Variants in DPP6 observed in about 807,000 individuals in gnomAD.
The protein encoded by DPP6 is dipeptidyl peptidase like 6.
In DPP6, 69 loss-of-function variants were observed where a neutral mutation model predicts 122.6. That is an observed-to-expected ratio of 0.56 (90% confidence interval 0.46 to 0.69). DPP6 has a LOEUF of 0.69. DPP6 is among the 30% of genes least tolerant of loss of function. DPP6 has a pLI of 0.00. For missense variants in DPP6, 928 were observed against 1,116.9 expected, an observed-to-expected ratio of 0.83 and a Z score of 2.41; for synonymous variants, 418 against 433.1, an observed-to-expected ratio of 0.97 and a Z score of 0.43.
intron 1 of DPP6, among the ~76,000 whole-genome samples, chr7:154,308,402 T>A (rs1806560728): frequency 6.6e-6 from 1 of 152,192 alleles, no homozygotes; most frequent in East Asian, 1.9e-4. Flanking sequence ...ACAAGGAGAA[T>A]TGGCTTCTGG....
intron 1 of DPP6, among the ~76,000 whole-genome samples, chr7:153,941,798 A>C (rs1473166016): frequency 6.6e-6 from 1 of 152,188 alleles, no homozygotes; most frequent in African/African-American, 2.4e-5. Flanking sequence ...ATGGATAATC[A>C]GAGGAGTTTT....
intron 1 of DPP6, among the ~76,000 whole-genome samples, chr7:154,167,049 G>A (rs1797289900): frequency 6.7e-6 from 1 of 148,562 alleles, no homozygotes; most frequent in African/African-American, 2.6e-5. Context: ...AGTTTGGTGG[G>A]GGAAATCTTT....
At chr7:154,846,471 G>A (rs188929149) in intron 16 of DPP6, among the ~76,000 whole-genome samples, 6 of 152,260 alleles carry the variant, frequency 3.9e-5, no homozygotes, top group South Asian at 2.1e-4. Context: ...TTACCAGGAC[G>A]CAACATTAGC....
intron 5 of DPP6, among the ~76,000 whole-genome samples, chr7:154,573,639 A>G (rs1392291956): frequency 6.6e-6 from 1 of 152,128 alleles, no homozygotes; most frequent in East Asian, 1.9e-4. Context: ...CTGACATGTT[A>G]CTCTTAGCCG....
At chr7:153,887,976 T>G (rs370187957) in intron 1 of DPP6, among the ~76,000 whole-genome samples, 1 of 151,914 alleles carries the variant, frequency 6.6e-6, no homozygotes, top group Non-Finnish European at 1.5e-5. Context: ...CCTTCGGGCA[T>G]GTGGCTTTGT....
chr7:153,964,822 CTTTCCT>C lies in DPP6; in HGVS notation c.51+77118_51+77123del, dbSNP rs202179146. Among the ~76,000 whole-genome samples, 22 of 41,214 alleles carry C rather than the reference CTTTCCT, an allele frequency of 5.3e-4. 1 individual carries two copies. The highest frequency in any genetic ancestry group is 2.1e-3 in the Admixed American group (8 of 3,866). 27.0% of individuals were successfully genotyped at this position (41,214 alleles called of 152,430 possible). On this transcript the variant is annotated intron_variant, in intron 1 of 25. Transcript: ENST00000404039. Reference sequence around the variant, plus strand: ...CTTTCCTTTCCTTTCCTTTCCTTTCCTTTCCTTTTCCTTTTCCTTTTCCTTTTCCTT... The same window carrying C: ...CTTTCCTTTCCTTTCCTTTCCTTTCCTTTCCTTTTCCTTTTCCTTTTCCTT...
chr7:154,857,647 T>C lies in DPP6; in HGVS notation c.1714+3820T>C, dbSNP rs868319195. ...GTCTGTCAAACTGGTGCATCTTGGA[T>C]GAGAAGGCAGGTGCCTGGTGCTTCC... is the stretch of plus-strand genomic sequence containing the variant. On this transcript the variant is annotated intron_variant, in intron 17 of 25. Coordinates refer to ENST00000377770, the MANE Select transcript of DPP6 (RefSeq NM_130797.4). 2.0e-5 allele frequency among the ~76,000 whole-genome samples: 3 copies of C among 152,358 alleles called. No individual in the cohort carries two copies. In the East Asian group the frequency reaches 5.8e-4, roughly 29 times the overall value.
At chr7:154,586,480 T>C (rs1288655711) in intron 5 of DPP6, among the ~76,000 whole-genome samples, 2 of 151,626 alleles carry the variant, frequency 1.3e-5, no homozygotes, top group African/African-American at 4.9e-5. Context: ...CCTGTGGGAG[T>C]CTTTGGCTCT....
At chr7:154,137,972 T>G (rs1267776835) in intron 1 of DPP6, among the ~76,000 whole-genome samples, 6 of 152,186 alleles carry the variant, frequency 3.9e-5, no homozygotes, top group Admixed American at 2.0e-4. Flanking sequence ...GGCCTTAGCT[T>G]ACACAATTCC....
chr7:154,058,132 C>T (rs1453842303), intron 1 of DPP6: 1 of 147,124 alleles, frequency 6.8e-6, no homozygotes, highest in African/African-American at 2.5e-5. Context: ...CCCTCTTCCC[C>T]CCCCTGGCTC....
At chr7:154,438,903 G>T (rs1244530216) in intron 1 of DPP6, among the ~76,000 whole-genome samples, 1 of 152,162 alleles carries the variant, frequency 6.6e-6, no homozygotes, top group Non-Finnish European at 1.5e-5. Flanking sequence ...TGGCTGAGGA[G>T]GAGAGGAGGG....
At chr7:154,015,756 C>T (rs1798374970) in intron 1 of DPP6, among the ~76,000 whole-genome samples, 1 of 152,136 alleles carries the variant, frequency 6.6e-6, no homozygotes, top group African/African-American at 2.4e-5. Flanking sequence ...AGTCCAGCCC[C>T]AGCCACTGTT....
At chr7:154,103,537 C>T (rs2150573082) in intron 1 of DPP6, among the ~76,000 whole-genome samples, 1 of 152,334 alleles carries the variant, frequency 6.6e-6, no homozygotes, top group Admixed American at 6.5e-5. Context: ...TGTTAGTTGT[C>T]AACTTGATTG....
chr7:154,381,781 G>T (rs1403419277), intron 1 of DPP6, among the ~76,000 whole-genome samples: 26 of 152,216 alleles, frequency 1.7e-4, no homozygotes, highest in Admixed American at 1.7e-3. Flanking sequence ...GCATGTGTGT[G>T]TATTTCCATT....
At chr7:154,188,676 C>T (rs1322705566) in intron 1 of DPP6, among the ~76,000 whole-genome samples, 1 of 152,148 alleles carries the variant, frequency 6.6e-6, no homozygotes, top group Non-Finnish European at 1.5e-5. Flanking sequence ...CTTTGAAACA[C>T]AAAGGTATCT....
At position 154,833,485 on chromosome 7, in the gene DPP6, C is replaced by T. The variant is rs560835603; in HGVS notation, c.1667-20295C>T. Among the ~76,000 whole-genome samples the T allele has an allele frequency of 8.5e-5, 13 of 152,270 alleles. No homozygotes were observed. The South Asian group carries it at 2.1e-3, about 24-fold the overall frequency. ...TTGGGATAGTAGTACCAGCCTTGTA[C>T]GGCTGACGAAGTGTAAATTATTTAT... On this transcript the variant is annotated intron_variant, in intron 16 of 25. Coordinates refer to ENST00000377770, the MANE Select transcript of DPP6 (RefSeq NM_130797.4). The surrounding 1 kb of genome is among the most constrained non-coding windows in gnomAD (Gnocchi z 4.3).
chr7:154,537,981 A>G (rs1030781976), intron 3 of DPP6, among the ~76,000 whole-genome samples: 1 of 152,126 alleles, frequency 6.6e-6, no homozygotes, highest in Admixed American at 6.6e-5. Flanking sequence ...CACCTCAGAA[A>G]TATGATATAA....
chr7:154,878,646 G>A (rs192122183), intron 20 of DPP6, among the ~76,000 whole-genome samples: 31 of 152,298 alleles, frequency 2.0e-4, no homozygotes, highest in Admixed American at 1.9e-3. Context: ...CCTCACCGAG[G>A]AGCCCACAGG....
At position 154,257,241 on chromosome 7, in the gene DPP6, G is replaced by T. The variant is rs191191109; in HGVS notation, c.244-188973G>T. Among the ~76,000 whole-genome samples, 256 of 151,896 alleles carry T rather than the reference G, an allele frequency of 1.7e-3. 2 individuals are homozygous for T. In the Middle Eastern group the frequency reaches 0.017, roughly 10 times the overall value. On this transcript the variant is annotated intron_variant, in intron 1 of 25. Coordinates refer to ENST00000377770, the MANE Select transcript of DPP6 (RefSeq NM_130797.4). ...TGCCCAAAAGGGATCTTCCTGCTTG[G>T]GTTCTTTAGCAGAATTCCAGAGGCT...
Sources: allele counts gnomAD v4.1 joint callset (sites outside exome capture counted in the v4.1 genomes callset), GRCh38; gene constraint gnomAD v4.1.1; non-coding constraint Gnocchi (gnomAD v3.1); transcripts MANE v1.5; gene names NCBI Gene and HGNC (gene_info 2026-07-23, HGNC 2026-07-21).